Variants in ALDH7A1 observed in about 807,000 individuals in gnomAD.
The protein encoded by ALDH7A1 is aldehyde dehydrogenase 7 family member A1.
ALDH7A1 carries 63 observed loss-of-function variants against 79.9 expected under a neutral mutation model. The ratio of observed to expected loss-of-function variants is 0.79; its 90% confidence interval spans 0.64 to 0.97. ALDH7A1 has a LOEUF of 0.97. ALDH7A1 is among the 50% of genes least tolerant of loss of function. The probability of loss-of-function intolerance (pLI) is 0.00; values close to 1 mark genes in which losing one functional copy is unlikely to be tolerated. For missense variants in ALDH7A1, 627 were observed against 665.2 expected (o/e 0.94, Z 0.63); for synonymous variants, 240 against 231.2 (o/e 1.04, Z -0.34).
intron 16 of ALDH7A1, among the ~76,000 whole-genome samples, chr5:126,548,051 C>CA (rs528981711): frequency 0.028 from 3,250 of 115,832 alleles, 100 homozygotes; most frequent in East Asian, 0.11. Context: ...GATTCCGTCT[C>CA]AAAAAAAAAA....
rs571267621 is a variant in ALDH7A1, at chr5:126,570,644, A to C, written c.773+138T>G. ...GGCATTAATAAAATAAGAACCCAAC[A>C]AAGTCCATAATAATAATGATTTCAA... On this transcript the variant is annotated intron_variant, in intron 8 of 17. Transcript: ENST00000409134. The C allele has an allele frequency of 3.0e-4, 254 of 858,260 alleles. 3 individuals are homozygous for C. In the African/African-American group the frequency reaches 3.7e-3, roughly 13 times the overall value. The allele number at this position is 858,260 out of a possible 1,614,324, so 53.2% of individuals were successfully genotyped here. A position where few individuals can be genotyped will look rare whatever the true frequency, so the allele number is the denominator to read the frequency against.
At chr5:126,566,154 T>G (rs1313068607) in intron 9 of ALDH7A1, among the ~76,000 whole-genome samples, 1 of 152,184 alleles carries the variant, frequency 6.6e-6, no homozygotes, top group Non-Finnish European at 1.5e-5. Flanking sequence ...GCATTGAATC[T>G]GTAATCATGT....
At chr5:126,592,547 A>T in intron 3 of ALDH7A1, 117 bp downstream of exon 3, 1 of 999,014 alleles carries the variant, frequency 1.0e-6, no homozygotes, top group Non-Finnish European at 1.6e-6. Flanking sequence ...ACAGCCCCCA[A>T]GGAGCTCACA....
intron 6 of ALDH7A1, 25 bp from the exon 7 acceptor site, chr5:126,575,489 G>T: frequency 6.3e-7 from 1 of 1,598,228 alleles, no homozygotes; most frequent in South Asian, 1.1e-5. Flanking sequence ...AACAAAAAAA[G>T]AAAAAGAAAA....
chr5:126,582,800 A>G (rs770445160), intron 5 of ALDH7A1, 51 bp downstream of exon 5: 9 of 1,606,662 alleles, frequency 5.6e-6, no homozygotes, highest in Non-Finnish European at 5.1e-6. Context: ...TTTTTTTTGG[A>G]GCTCTGTATA....
chr5:126,583,042 AAG>A (rs1751228648), intron 4 of ALDH7A1, 68 bp from the exon 5 acceptor site: 1 of 1,570,178 alleles, frequency 6.4e-7, no homozygotes, highest in South Asian at 1.1e-5. Flanking sequence ...AAATTAAAGA[AAG>A]GGGGAAGCAA....
chr5:126,555,088 A>G, intron 12 of ALDH7A1: 1 of 158,456 alleles, frequency 6.3e-6, no homozygotes, highest in Non-Finnish European at 1.4e-5. Context: ...AAATAGACAC[A>G]GAAAGGCTGG....
chr5:126,562,180 C>T (rs1179483500), intron 9 of ALDH7A1: 2 of 149,898 alleles, frequency 1.3e-5, no homozygotes, highest in Non-Finnish European at 3.0e-5. Flanking sequence ...AGTGAAATAT[C>T]ATGCAGCCTT....
At chr5:126,586,664 T>C (rs1214654652) in intron 3 of ALDH7A1, 1 of 152,226 alleles carries the variant, frequency 6.6e-6, no homozygotes, top group East Asian at 1.9e-4. Context: ...TTTTACAAGT[T>C]TAGAAGTTTA....
intron 3 of ALDH7A1, 109 bp from the exon 4 acceptor site, chr5:126,584,121 G>T (rs1012499903): frequency 1.0e-6 from 1 of 981,738 alleles, no homozygotes; most frequent in Non-Finnish European, 1.6e-6. Context: ...TATCAAAGAA[G>T]ACTTTTGATC....
At chr5:126,549,219 G>T (rs1442599004) in intron 16 of ALDH7A1, among the ~76,000 whole-genome samples, 1 of 152,134 alleles carries the variant, frequency 6.6e-6, no homozygotes, top group Non-Finnish European at 1.5e-5. Flanking sequence ...GGGGCAAGGG[G>T]TGAACTGAAA....
At chr5:126,561,232 T>A (rs1233343277) in intron 9 of ALDH7A1, 108 bp from the exon 10 acceptor site, 1 of 830,468 alleles carries the variant, frequency 1.2e-6, no homozygotes, top group East Asian at 2.7e-5. Context: ...TGTCCAATTA[T>A]TTTTTATATA....
In ALDH7A1 at chr5:126,578,652, A is replaced by G. The variant is rs536249426; in HGVS notation, c.518-1441T>C. On this transcript the variant is annotated intron_variant, in intron 5 of 17. Transcript: ENST00000409134. The stretch of plus-strand genomic sequence containing the variant: ...AGACCCTGTATCAAAAAAAAAAAAA[A>G]AAAGAAAGAAAAGAAAAGAAAAAAC... Among the ~76,000 whole-genome samples, 968 of 150,592 alleles carry G rather than the reference A, an allele frequency of 6.4e-3. 10 individuals carry two copies. The highest frequency in any genetic ancestry group is 0.022 in the African/African-American group (900 of 41,158).
Position 126,589,707 on chromosome 5 carries a change from G to C in ALDH7A1, c.312+2957C>G, listed in dbSNP as rs966208504. On this transcript the variant is annotated intron_variant, in intron 3 of 17. Coordinates refer to ENST00000409134, the MANE Select transcript of ALDH7A1 (RefSeq NM_001182.5). ...CCGCCCCATCTGGGATGTGAGGAGCGCCACTGCCCGGCCGCCCCACCATCT... is the reference window on the plus strand; with the variant it reads ...CCGCCCCATCTGGGATGTGAGGAGCCCCACTGCCCGGCCGCCCCACCATCT... Among the ~76,000 whole-genome samples the C allele has an allele frequency of 2.7e-5, 4 of 150,662 alleles. No individual in the cohort carries two copies. In the South Asian group the frequency reaches 8.5e-4, roughly 32 times the overall value.
At chr5:126,573,116 C>CAAAAAAAAAAA (rs11290126) in intron 7 of ALDH7A1, among the ~76,000 whole-genome samples, 2 of 95,208 alleles carry the variant, frequency 2.1e-5, no homozygotes, top group East Asian at 3.1e-4. Context: ...CCATTTAAAG[C>CAAAAAAAAAAA]AAAAAAAAAA....
At chr5:126,557,408 A>G (rs1750233610) in intron 11 of ALDH7A1, among the ~76,000 whole-genome samples, 1 of 151,464 alleles carries the variant, frequency 6.6e-6, no homozygotes, top group East Asian at 1.9e-4. Context: ...CCAACATGGC[A>G]AAATCCCATC....
At chr5:126,577,356 A>G in intron 5 of ALDH7A1, 145 bp from the exon 6 acceptor site, 1 of 1,021,168 alleles carries the variant, frequency 9.8e-7, no homozygotes, top group Admixed American at 2.0e-5. Flanking sequence ...ATATCAGTAC[A>G]TTAACTAATG....
chr5:126,570,559 A>T, intron 8 of ALDH7A1: 1 of 524,838 alleles, frequency 1.9e-6, no homozygotes, highest in South Asian at 2.0e-5. Context: ...AAACACCTTA[A>T]CAAATAGTAC....
At position 126,550,019 on chromosome 5, in the gene ALDH7A1, G is replaced by A. The variant is rs1222416970; in HGVS notation, c.1416-17C>T. The stretch of plus-strand genomic sequence containing the variant: ...CCTTTAGGTCTGTGTAAAAAGGGAG[G>A]CATGGTGAGAGCAATGAACAGGAAA... On this transcript the variant is annotated splice_polypyrimidine_tract_variant and intron_variant, in intron 15 of 17. Coordinates refer to ENST00000409134, the MANE Select transcript of ALDH7A1 (RefSeq NM_001182.5). 6.2e-7 allele frequency: 1 copy of A among 1,611,326 alleles called. No homozygotes were observed.
Sources: gnomAD v4.1 joint callset for allele counts (sites outside exome capture counted in the v4.1 genomes callset) on GRCh38, gnomAD v4.1.1 for gene constraint, MANE v1.5 for transcripts, NCBI Gene and HGNC (gene_info 2026-07-23, HGNC 2026-07-21) for gene names.